Variants in KHDRBS3 observed in about 807,000 individuals in gnomAD.
KHDRBS3 encodes KH RNA binding domain containing, signal transduction associated 3, also known as KH domain-containing, RNA-binding, signal transduction-associated protein 3.
A neutral mutation model predicts 45.6 loss-of-function variants in KHDRBS3; 23 were observed. The ratio of observed to expected loss-of-function variants is 0.50; its 90% CI spans 0.36 to 0.72. The LOEUF (loss-of-function observed/expected upper bound fraction) is 0.72. Among genes scored for constraint, KHDRBS3 ranks in the 30% least tolerant of loss-of-function variants. KHDRBS3 has a pLI of 0.00. For synonymous variants in KHDRBS3, 162 were observed against 156.5 expected, an observed-to-expected ratio of 1.04 and a Z score of -0.26; for missense variants, 352 against 424.8, an observed-to-expected ratio of 0.83 and a Z score of 1.51.
rs190193519 is a variant in KHDRBS3, at chr8:135,499,293, A to C, written c.89-21944A>C. 2.8e-3 allele frequency among the ~76,000 whole-genome samples: 431 copies of C among 152,334 alleles called. 3 individuals carry two copies. The highest frequency in any genetic ancestry group is 2.4e-3 in the Non-Finnish European group (166 of 68,034). ...TTTAGCTCCTTAACAACAGTCCTGC[A>C]TATTAAGCATATTATTATGTATATT... is the stretch of plus-strand genomic sequence containing the variant. On this transcript the variant is annotated intron_variant, in intron 1 of 8. Coordinates refer to ENST00000355849, the MANE Select transcript of KHDRBS3 (RefSeq NM_006558.3).
chr8:135,643,070 G>A (rs747586754), intron 7 of KHDRBS3, among the ~76,000 whole-genome samples: 16 of 152,058 alleles, frequency 1.1e-4, no homozygotes, highest in Non-Finnish European at 1.9e-4. Context: ...TGAGATTACA[G>A]GCATGAGCCA....
At chr8:135,462,834 A>G (rs1821498601) in intron 1 of KHDRBS3, among the ~76,000 whole-genome samples, 1 of 152,170 alleles carries the variant, frequency 6.6e-6, no homozygotes, top group Non-Finnish European at 1.5e-5. Context: ...GACTCTCAGT[A>G]ACACTGAGAG....
intron 1 of KHDRBS3, among the ~76,000 whole-genome samples, chr8:135,510,083 G>A (rs996659583): frequency 1.3e-5 from 2 of 150,802 alleles, no homozygotes; most frequent in African/African-American, 2.4e-5. Flanking sequence ...GGGCTCAAGC[G>A]ATTCTCCTGC....
At chr8:135,624,906 G>C (rs576454085) in intron 7 of KHDRBS3, among the ~76,000 whole-genome samples, 1 of 152,208 alleles carries the variant, frequency 6.6e-6, no homozygotes, top group East Asian at 1.9e-4. Flanking sequence ...CCAGCACTCA[G>C]TGTGACCCGC....
rs376232464 is a variant in KHDRBS3 at position 135,478,006 on chromosome 8, G to A, written c.88+20052G>A. On this transcript the variant is annotated intron_variant, in intron 1 of 8. Transcript: ENST00000355849. ...TGTCAGATCAGCACCACCGGCATTA[G>A]AGTCTCATAGGAGTACAAACCCTGC... Among the ~76,000 whole-genome samples, 30 of 152,282 alleles carry A rather than the reference G, an allele frequency of 2.0e-4. 1 individual carries two copies. In the East Asian group the frequency reaches 3.7e-3, roughly 19 times the overall value.
chr8:135,583,379 C>T (rs1177687577), intron 6 of KHDRBS3, among the ~76,000 whole-genome samples: 1 of 152,204 alleles, frequency 6.6e-6, no homozygotes, highest in Admixed American at 6.5e-5. Flanking sequence ...TCCTAATAAT[C>T]TTACCAGATG....
intron 7 of KHDRBS3, among the ~76,000 whole-genome samples, chr8:135,617,977 A>G (rs1046950519): frequency 1.3e-5 from 2 of 152,206 alleles, no homozygotes; most frequent in African/African-American, 2.4e-5. Flanking sequence ...CTTGTAATGG[A>G]GAATGTCGGT....
intron 1 of KHDRBS3, among the ~76,000 whole-genome samples, chr8:135,497,567 G>A (rs917867367): frequency 5.9e-5 from 9 of 152,096 alleles, no homozygotes; most frequent in African/African-American, 2.2e-4. Flanking sequence ...TCTCTTGGGC[G>A]TGAAGGGGGA....
At chr8:135,459,241 A>G (rs1046933545) in intron 1 of KHDRBS3, among the ~76,000 whole-genome samples, 7 of 152,192 alleles carry the variant, frequency 4.6e-5, no homozygotes, top group African/African-American at 1.4e-4. Flanking sequence ...AGTTCTTCAG[A>G]GTAGAGTGTG....
At chr8:135,489,407 C>T (rs537761093) in intron 1 of KHDRBS3, among the ~76,000 whole-genome samples, 5 of 152,132 alleles carry the variant, frequency 3.3e-5, no homozygotes, top group East Asian at 1.9e-4. Flanking sequence ...TGGCCAGGCA[C>T]GGTGGCTCAC....
At chr8:135,506,766 A>T (rs1305138986) in intron 1 of KHDRBS3, among the ~76,000 whole-genome samples, 2 of 152,188 alleles carry the variant, frequency 1.3e-5, no homozygotes, top group Non-Finnish European at 2.9e-5. Context: ...TAGAATCTTC[A>T]ACTCAGTAAT....
intron 1 of KHDRBS3, among the ~76,000 whole-genome samples, chr8:135,513,992 G>T (rs573927729): frequency 6.6e-6 from 1 of 152,036 alleles, no homozygotes; most frequent in Non-Finnish European, 1.5e-5. Flanking sequence ...TTTGGACCTA[G>T]AACTGTCTCC....
intron 1 of KHDRBS3, among the ~76,000 whole-genome samples, chr8:135,505,830 T>C (rs1242262080): frequency 1.3e-5 from 2 of 150,030 alleles, no homozygotes; most frequent in African/African-American, 4.9e-5. Context: ...CTTCTGGGAA[T>C]GTAGGGTAAA....
chr8:135,628,070 A>AT (rs1830450268), intron 7 of KHDRBS3, among the ~76,000 whole-genome samples: 1 of 151,876 alleles, frequency 6.6e-6, no homozygotes, highest in African/African-American at 2.4e-5. Flanking sequence ...GCTTGGAATG[A>AT]TTTTTTTCTT....
chr8:135,650,289 C>G (rs922196794), downstream of KHDRBS3, among the ~76,000 whole-genome samples: 10 of 152,190 alleles, frequency 6.6e-5, no homozygotes, highest in African/African-American at 9.7e-5. Context: ...CCATACCCGT[C>G]CTTCAGAACT....
At chr8:135,647,641 G>T (rs1022475985), downstream of KHDRBS3, 1 of 151,588 alleles carries the variant, frequency 6.6e-6, no homozygotes, top group Admixed American at 6.6e-5. Flanking sequence ...AATTTCATGG[G>T]TTTTTTTTTA....
intron 4 of KHDRBS3, among the ~76,000 whole-genome samples, chr8:135,550,442 A>G (rs1439437478): frequency 6.6e-6 from 1 of 152,112 alleles, no homozygotes; most frequent in Non-Finnish European, 1.5e-5. Context: ...TTTTTTCTAG[A>G]TGGATATCAG....
At chr8:135,528,110 A>G (rs1825284323) in intron 2 of KHDRBS3, among the ~76,000 whole-genome samples, 1 of 152,196 alleles carries the variant, frequency 6.6e-6, no homozygotes, top group African/African-American at 2.4e-5. Context: ...GCCTCTAAGC[A>G]TTCTCATCTG....
At position 135,457,899 on chromosome 8, in the gene KHDRBS3, G is replaced by C; in HGVS notation, c.33G>C (p.Ala11=). 6.2e-7 allele frequency: 1 copy of C among 1,600,530 alleles called. No homozygotes were observed. MEEKYLPELM[A]EKDSLDPSFT... Reference sequence around the variant, plus strand: ...AGAAGTACCTGCCCGAGCTGATGGCGGAGAAGGACTCCCTGGACCCCTCCT... The same window carrying C: ...AGAAGTACCTGCCCGAGCTGATGGCCGAGAAGGACTCCCTGGACCCCTCCT... Residue 11 remains alanine (A), a synonymous_variant, in exon 1 of 9, where the codon GCG becomes GCC. Transcript: ENST00000355849. The surrounding 1 kb of genome is among the most constrained non-coding windows in gnomAD (Gnocchi z 4.4).
Sources: gnomAD v4.1 joint callset for allele counts (sites outside exome capture counted in the v4.1 genomes callset) on GRCh38, gnomAD v4.1.1 for gene constraint, Gnocchi (gnomAD v3.1) non-coding constraint, MANE v1.5 for transcripts, NCBI Gene and HGNC (gene_info 2026-07-23, HGNC 2026-07-21) for gene names.